TAFA1: variants seen among roughly 807,000 people sequenced by gnomAD.
The protein encoded by TAFA1 is chemokine-like protein TAFA-1.
Under a neutral mutation model 18.5 loss-of-function variants are expected in TAFA1, and 4 were observed. That is an observed-to-expected ratio of 0.22 (90% CI 0.11 to 0.49). The LOEUF (loss-of-function observed/expected upper bound fraction) is 0.49, where lower values mean the gene tolerates loss of function less well. Ranked by LOEUF, TAFA1 falls within the 20% of genes least tolerant of loss-of-function variation. The probability of loss-of-function intolerance (pLI) is 0.98; values close to 1 mark genes in which losing one functional copy is unlikely to be tolerated. For missense variants in TAFA1, 147 were observed against 169.0 expected (o/e 0.87, Z 0.72); for synonymous variants, 56 against 55.2 (o/e 1.01, Z -0.06).
chr3:68,049,452 G>A (rs1371753599), intron 2 of TAFA1, among the ~76,000 whole-genome samples: 1 of 152,142 alleles, frequency 6.6e-6, no homozygotes, highest in Non-Finnish European at 1.5e-5. Flanking sequence ...GAAGAAAAGA[G>A]AGTGATTATT....
chr3:68,186,212 G>C (rs1156662452), intron 2 of TAFA1, among the ~76,000 whole-genome samples: 1 of 152,020 alleles, frequency 6.6e-6, no homozygotes, highest in Non-Finnish European at 1.5e-5. Flanking sequence ...TACTCTTTGG[G>C]AATAATTGTT....
chr3:68,039,359 TTATG>T (rs1193384478), intron 2 of TAFA1, among the ~76,000 whole-genome samples: 3 of 152,156 alleles, frequency 2.0e-5, no homozygotes, highest in African/African-American at 7.2e-5. Flanking sequence ...AGTGGAAACC[TTATG>T]GATAAGGGAC....
chr3:68,028,750 AAT>A (rs1491472481), intron 2 of TAFA1, among the ~76,000 whole-genome samples: 20 of 28,822 alleles, frequency 6.9e-4, no homozygotes, highest in South Asian at 2.9e-3. Flanking sequence ...TTTTTTTTAA[AAT>A]TTTTTTTTTT....
chr3:68,484,694 G>C (rs779791378), intron 3 of TAFA1, among the ~76,000 whole-genome samples: 7 of 152,102 alleles, frequency 4.6e-5, no homozygotes, highest in Admixed American at 3.3e-4. Context: ...CTGTCCCAAG[G>C]ATCCATCATT....
intron 2 of TAFA1, among the ~76,000 whole-genome samples, chr3:68,112,336 G>C (rs2065272349): frequency 1.3e-5 from 2 of 152,252 alleles, no homozygotes; most frequent in East Asian, 3.9e-4. Flanking sequence ...ATTCAAAGTT[G>C]TTTAATGTTT....
At chr3:68,277,196 A>T (rs1261293531) in intron 2 of TAFA1, among the ~76,000 whole-genome samples, 1 of 152,188 alleles carries the variant, frequency 6.6e-6, no homozygotes, top group Non-Finnish European at 1.5e-5. Context: ...CCAGAATCAT[A>T]CCAGGACACC....
chr3:68,172,197 G>C (rs139801781), intron 2 of TAFA1, among the ~76,000 whole-genome samples: 7 of 152,162 alleles, frequency 4.6e-5, no homozygotes, highest in South Asian at 2.1e-4. Context: ...AGAATCTTGA[G>C]AGCAACAGAG....
At chr3:68,170,887 TAC>T (rs1463842153) in intron 2 of TAFA1, among the ~76,000 whole-genome samples, 1 of 148,652 alleles carries the variant, frequency 6.7e-6, no homozygotes, top group East Asian at 2.0e-4. Flanking sequence ...CACACACACG[TAC>T]ACACACACAA....
chr3:68,213,425 G>A (rs529188248), intron 2 of TAFA1, among the ~76,000 whole-genome samples: 1 of 152,116 alleles, frequency 6.6e-6, no homozygotes, highest in East Asian at 1.9e-4. Flanking sequence ...AATCTCAAAA[G>A]AGAGCTCATT....
At chr3:68,358,758 G>A (rs767408426) in intron 2 of TAFA1, among the ~76,000 whole-genome samples, 1 of 151,834 alleles carries the variant, frequency 6.6e-6, no homozygotes, top group East Asian at 1.9e-4. Flanking sequence ...AGAGCCTATG[G>A]CATGTATTAG....
chr3:68,103,808 C>G (rs1364050069), intron 2 of TAFA1, among the ~76,000 whole-genome samples: 2 of 152,140 alleles, frequency 1.3e-5, no homozygotes, highest in South Asian at 2.1e-4. Context: ...ACCTTCAGTT[C>G]TCATTGAACC....
intron 2 of TAFA1, among the ~76,000 whole-genome samples, chr3:68,086,808 TTTATGCTAACAGATA>T (rs1410053459): frequency 6.6e-6 from 1 of 152,226 alleles, no homozygotes; most frequent in Non-Finnish European, 1.5e-5. Context: ...AGAGGCATTC[TTTATGCTAACAGATA>T]ACAAAAGACT....
chr3:68,057,179 A>G (rs541601893), intron 2 of TAFA1, among the ~76,000 whole-genome samples: 2 of 152,310 alleles, frequency 1.3e-5, no homozygotes, highest in East Asian at 3.9e-4. Flanking sequence ...GGAGCTAGGA[A>G]TAGAAACTCA....
intron 3 of TAFA1, among the ~76,000 whole-genome samples, chr3:68,528,767 C>T (rs1157293026): frequency 6.6e-6 from 1 of 152,154 alleles, no homozygotes; most frequent in African/African-American, 2.4e-5. Flanking sequence ...TATGCTCAAA[C>T]TCTCATAAGT....
intron 2 of TAFA1, among the ~76,000 whole-genome samples, chr3:68,315,278 A>G (rs1358742040): frequency 6.6e-6 from 1 of 152,138 alleles, no homozygotes; most frequent in East Asian, 1.9e-4. Context: ...CTTGTCCGAG[A>G]CATGCTTAGT....
chr3:68,064,318 A>AT (rs1423684626), intron 2 of TAFA1, among the ~76,000 whole-genome samples: 1 of 151,986 alleles, frequency 6.6e-6, no homozygotes, highest in Admixed American at 6.6e-5. Flanking sequence ...TCTGAAGCAT[A>AT]TTTTTTTTAT....
At chr3:68,378,949 A>G (rs1235274239) in intron 2 of TAFA1, among the ~76,000 whole-genome samples, 2 of 152,178 alleles carry the variant, frequency 1.3e-5, no homozygotes, top group Admixed American at 6.5e-5. Flanking sequence ...CTGTAAGTCA[A>G]TTAAGCCTCT....
At chr3:68,088,062 A>G (rs1262297572) in intron 2 of TAFA1, among the ~76,000 whole-genome samples, 1 of 152,216 alleles carries the variant, frequency 6.6e-6, no homozygotes, top group East Asian at 1.9e-4. Flanking sequence ...TGAAGTAACA[A>G]CATTTATTTT....
chr3:68,211,036 T>G (rs1434456071), intron 2 of TAFA1, among the ~76,000 whole-genome samples: 1 of 151,996 alleles, frequency 6.6e-6, no homozygotes, highest in Admixed American at 6.6e-5. Context: ...TTGGACTTCT[T>G]TATGGGGCTG....
Sources: allele counts gnomAD v4.1 joint callset (sites outside exome capture counted in the v4.1 genomes callset), GRCh38; gene constraint gnomAD v4.1.1; transcripts MANE v1.5; gene names NCBI Gene and HGNC (gene_info 2026-07-23, HGNC 2026-07-21).